Variants in MCF2L observed in about 807,000 individuals in gnomAD.
MCF2L encodes the protein MCF.2 cell line derived transforming sequence like, also known as guanine nucleotide exchange factor DBS.
A neutral mutation model predicts 153.4 loss-of-function variants in MCF2L; 97 were observed. The observed-to-expected ratio is 0.63, with a 90% CI of 0.54 to 0.75. The LOEUF (loss-of-function observed/expected upper bound fraction) is 0.75. Ranked by LOEUF, MCF2L falls within the 30% of genes least tolerant of loss-of-function variation. MCF2L has a pLI of 0.00. For synonymous variants in MCF2L, 659 were observed against 632.2 expected, an observed-to-expected ratio of 1.04 and a Z score of -0.64; for missense variants, 1,347 against 1,495.2, an observed-to-expected ratio of 0.90 and a Z score of 1.64.
chr13:112,948,660 C>G (rs568469319), intron 2 of MCF2L, among the ~76,000 whole-genome samples: 13 of 152,318 alleles, frequency 8.5e-5, no homozygotes, highest in African/African-American at 2.9e-4. Flanking sequence ...AGTCTCAAAT[C>G]AATCTCAGCT....
At chr13:113,033,575 C>G (rs1055653240) in intron 3 of MCF2L, among the ~76,000 whole-genome samples, 9 of 152,204 alleles carry the variant, frequency 5.9e-5, no homozygotes, top group Non-Finnish European at 1.3e-4. Flanking sequence ...CCATGGTGTT[C>G]TGTCTGTGAG....
In MCF2L at chr13:113,096,464, G is replaced by C. The variant is rs530497098; in HGVS notation, c.3169G>C (p.Glu1057Gln). ...CGGGGACGTGGTGGAGCTGGTGCAGGAGGGCGACGAGGGCCTCTGGTAAGA... is the reference window on the plus strand; with the variant it reads ...CGGGGACGTGGTGGAGCTGGTGCAGCAGGGCGACGAGGGCCTCTGGTAAGA... ...RSGDVVELVQEGDEGLWYVRD... is the reference protein window; with the variant it reads ...RSGDVVELVQQGDEGLWYVRD... The change falls in exon 28 of 30, where the codon GAG becomes CAG. Residue 1057 changes from glutamate to glutamine, a missense_variant. Physicochemically the swap from Glu to Gln is conservative, Grantham distance 29. Coordinates refer to ENST00000535094, the MANE Select transcript of MCF2L (RefSeq NM_001112732.3). 25 of 1,588,526 alleles carry C rather than the reference G, an allele frequency of 1.6e-5. No individual in the cohort carries two copies. In the Admixed American group the frequency reaches 3.2e-4, roughly 20 times the overall value.
At chr13:112,924,901 A>C (rs1413539207) in intron 2 of MCF2L, among the ~76,000 whole-genome samples, 1 of 152,216 alleles carries the variant, frequency 6.6e-6, no homozygotes, top group Non-Finnish European at 1.5e-5. Context: ...AATGGAACAG[A>C]ATAAAAATCC....
At chr13:112,917,645 G>A (rs1417471604) in intron 2 of MCF2L, 1 of 174,300 alleles carries the variant, frequency 5.7e-6, no homozygotes, top group Admixed American at 5.6e-5. Context: ...CCTCTCCTGA[G>A]AGACCTCCAC....
In MCF2L at chr13:113,098,752, T is replaced by C. The variant is rs1322815404; in HGVS notation, c.*1893T>C. On this transcript the variant is annotated 3_prime_UTR_variant, in exon 30 of 30. Transcript: ENST00000535094. ...CGATGATGACAAAATAGCAACAAGG[T>C]TGTGCGTGTCAGAAACGCAAAGGCA... 6.6e-6 allele frequency: 1 copy of C among 152,232 alleles called. No homozygotes were observed. The highest frequency in any genetic ancestry group is 1.5e-5 in the Non-Finnish European group (1 of 68,044). The allele number at this position is 152,232 out of a possible 1,614,324, so 9.4% of individuals were successfully genotyped here.
chr13:112,905,790 C>T (rs778046080), intron 2 of MCF2L, among the ~76,000 whole-genome samples: 7 of 152,334 alleles, frequency 4.6e-5, no homozygotes, highest in Admixed American at 2.0e-4. Context: ...CATTCATCCA[C>T]GGACGTTTGG....
rs188582658 is a variant in MCF2L, at chr13:113,014,757, G to A, written c.80-6G>A. 112 of 1,613,382 alleles carry A rather than the reference G, an allele frequency of 6.9e-5. No homozygotes were observed. The African/African-American group carries it at 1.1e-3, about 16-fold the overall frequency. Reference sequence around the variant, plus strand: ...CTGACACGTGCCGTCTGCTCTTTCCGTGCAGATGAAATCATGCACCAGGAC... The same window carrying A: ...CTGACACGTGCCGTCTGCTCTTTCCATGCAGATGAAATCATGCACCAGGAC... On this transcript the variant is annotated splice_polypyrimidine_tract_variant and splice_region_variant and intron_variant, in intron 1 of 29. Transcript: ENST00000535094.
At position 112,916,042 on chromosome 13, in the gene MCF2L, CAA is replaced by C. The variant is rs68161667; in HGVS notation, c.169+13686_169+13687del. On this transcript the variant is annotated intron_variant, in intron 2 of 29. Coordinates refer to the MCF2L transcript ENST00000375608. Reference sequence around the variant, plus strand: ...TGAAACCCCGTCTCTACTAAAAATACAAAAAAAAAAAAAAAATTAGCCGGGCA... The same window carrying C: ...TGAAACCCCGTCTCTACTAAAAATACAAAAAAAAAAAAAATTAGCCGGGCA... 3.4e-3 allele frequency among the ~76,000 whole-genome samples: 445 copies of C among 130,522 alleles called. 3 individuals are homozygous for C. Among genetic ancestry groups the C allele is most frequent in the Admixed American group, 0.011 (138 of 12,970 alleles). The allele number at this position is 130,522 out of a possible 152,430, so 85.6% of individuals were successfully genotyped here.
intron 2 of MCF2L, among the ~76,000 whole-genome samples, chr13:112,962,687 T>C (rs954165162): frequency 1.3e-5 from 2 of 152,184 alleles, no homozygotes; most frequent in African/African-American, 4.8e-5. Flanking sequence ...CCCAGCTCCC[T>C]AGCCGTTCTC....
chr13:113,020,655 A>G (rs571956734), intron 2 of MCF2L, among the ~76,000 whole-genome samples: 1 of 151,894 alleles, frequency 6.6e-6, no homozygotes, highest in East Asian at 1.9e-4. Flanking sequence ...CGGGAGCCCC[A>G]CTCCCACGGC....
chr13:112,922,772 T>C (rs915655943), intron 2 of MCF2L, among the ~76,000 whole-genome samples: 2 of 151,972 alleles, frequency 1.3e-5, no homozygotes, highest in African/African-American at 4.8e-5. Flanking sequence ...GAGGCGGAGG[T>C]TGCAGTGAGC....
upstream of MCF2L, chr13:112,966,173 T>C (rs1401130172): frequency 6.6e-6 from 1 of 152,250 alleles, no homozygotes; most frequent in African/African-American, 2.4e-5. This position sits in a 1 kb window ranked among gnomAD's most constrained non-coding sequence, Gnocchi z 4.1. Context: ...TGACAATCGT[T>C]CTTTAGGCAA....
At chr13:113,088,462 C>CTAAA (rs1438346911) in intron 24 of MCF2L, 57 bp downstream of exon 24, 1 of 1,609,094 alleles carries the variant, frequency 6.2e-7, no homozygotes, top group Non-Finnish European at 8.5e-7. Flanking sequence ...TGCATTTTTA[C>CTAAA]CTATGTTCAG....
At position 112,915,869 on chromosome 13, in the gene MCF2L, T is replaced by TTTG. The variant is rs533153029; in HGVS notation, c.169+13519_169+13521dup. ...CTGGCCTTCAGGCTGAGATGGGTAC[T>TTTG]TTGTTGTTGTTGTTGTTGTTGTTTT... On this transcript the variant is annotated intron_variant, in intron 2 of 29. Transcript: ENST00000375608. Among the ~76,000 whole-genome samples, 310 of 152,018 alleles carry TTTG rather than the reference T, an allele frequency of 2.0e-3. 1 individual carries two copies. Among genetic ancestry groups the TTTG allele is most frequent in the African/African-American group, 4.5e-3 (186 of 41,452 alleles).
rs1405167633 is a variant in MCF2L, at chr13:112,943,989, G to A, written c.169+41618G>A. 1.3e-5 allele frequency among the ~76,000 whole-genome samples: 2 copies of A among 148,244 alleles called. No individual in the cohort carries two copies. The highest frequency in any genetic ancestry group is 5.1e-5 in the African/African-American group (2 of 39,280). On this transcript the variant is annotated intron_variant, in intron 2 of 29. Transcript: ENST00000375608. The surrounding 1 kb of genome is among the most constrained non-coding windows in gnomAD (Gnocchi z 4.2). ...TCCCGGGCCGTGAGGGGAGGGTCCC[G>A]GGTGAGGGGAGGGTCCCGGGCCTTG...
intron 1 of MCF2L, among the ~76,000 whole-genome samples, chr13:112,974,792 G>A (rs185074216): frequency 6.6e-6 from 1 of 152,204 alleles, no homozygotes; most frequent in Non-Finnish European, 1.5e-5. Flanking sequence ...TGCTATGTCT[G>A]ACAAACACAT....
At position 113,053,147 on chromosome 13, in the gene MCF2L, G is replaced by A. The variant is rs1377485748; in HGVS notation, c.370-7446G>A. ...AGCTGCCCTCTGCATAACCACAGGC[G>A]AGTCTGCATCGCGGCCACACTGCCC... is the stretch of plus-strand genomic sequence containing the variant. On this transcript the variant is annotated intron_variant, in intron 4 of 29. Coordinates refer to ENST00000535094, the MANE Select transcript of MCF2L (RefSeq NM_001112732.3). The surrounding 1 kb of genome is among the most constrained non-coding windows in gnomAD (Gnocchi z 4.4). Among the ~76,000 whole-genome samples, 2 of 152,156 alleles carry A rather than the reference G, an allele frequency of 1.3e-5. No individual in the cohort carries two copies. Among genetic ancestry groups the A allele is most frequent in the African/African-American group, 2.4e-5 (1 of 41,428 alleles).
At chr13:113,057,001 G>A (rs1442428824) in intron 4 of MCF2L, among the ~76,000 whole-genome samples, 2 of 143,432 alleles carry the variant, frequency 1.4e-5, no homozygotes, top group East Asian at 2.2e-4. Flanking sequence ...CGCTGAGTGG[G>A]TGCTGTGTGT....
chr13:113,011,853 T>G (rs2084145915), intron 1 of MCF2L, among the ~76,000 whole-genome samples: 1 of 83,184 alleles, frequency 1.2e-5, no homozygotes, highest in Non-Finnish European at 2.4e-5. Flanking sequence ...GGACAGGCGG[T>G]GTGGACGGTG....
Sources: allele counts gnomAD v4.1 joint callset (sites outside exome capture counted in the v4.1 genomes callset), GRCh38; gene constraint gnomAD v4.1.1; non-coding constraint Gnocchi (gnomAD v3.1); transcripts MANE v1.5; gene names NCBI Gene and HGNC (gene_info 2026-07-23, HGNC 2026-07-21).